The following PLXDC2 variants were observed in gnomAD, a reference collection of about 807,000 sequenced individuals.
The protein encoded by PLXDC2 is plexin domain containing 2, also known as plexin domain-containing protein 2.
A neutral mutation model predicts 68.9 loss-of-function variants in PLXDC2; 40 were observed. That is an observed-to-expected ratio of 0.58 (90% CI 0.45 to 0.76). PLXDC2 has a LOEUF of 0.76. PLXDC2 is among the 30% of genes least tolerant of loss of function. The pLI is 0.00. For missense variants in PLXDC2, 644 were observed against 661.9 expected, an observed-to-expected ratio of 0.97 and a Z score of 0.30; for synonymous variants, 243 against 234.2, an observed-to-expected ratio of 1.04 and a Z score of -0.34.
chr10:19,991,376 T>G (rs868438885), intron 1 of PLXDC2, among the ~76,000 whole-genome samples: 14 of 150,400 alleles, frequency 9.3e-5, no homozygotes, highest in Middle Eastern at 3.5e-3. Context: ...CTTAATGTTC[T>G]ACCATTTTGA....
chr10:19,832,504 C>T (rs1482153944), intron 1 of PLXDC2, among the ~76,000 whole-genome samples: 1 of 152,160 alleles, frequency 6.6e-6, no homozygotes, highest in Non-Finnish European at 1.5e-5. Flanking sequence ...GTGATGTGTG[C>T]TTAAAACATA....
Position 20,151,138 on chromosome 10 carries a change from G to A in PLXDC2, c.783+3236G>A, listed in dbSNP as rs1357663137. 2.0e-5 allele frequency among the ~76,000 whole-genome samples: 3 copies of A among 152,108 alleles called. No individual in the cohort carries two copies. The East Asian group carries it at 5.8e-4, about 29-fold the overall frequency. On this transcript the variant is annotated intron_variant, in intron 6 of 13. Coordinates refer to ENST00000377252, the MANE Select transcript of PLXDC2 (RefSeq NM_032812.9). ...CTTTTTGCTTCCCAATAATTGTTAT[G>A]TATTTTATTTTGCTAAGGCAAATTG...
chr10:20,154,097 C>T (rs906680408), intron 6 of PLXDC2, among the ~76,000 whole-genome samples: 2 of 152,148 alleles, frequency 1.3e-5, no homozygotes. Flanking sequence ...GTTTGGAAAT[C>T]AAACTCTCAT....
intron 4 of PLXDC2, among the ~76,000 whole-genome samples, chr10:20,090,225 T>C (rs1339019732): frequency 6.6e-6 from 1 of 152,226 alleles, no homozygotes; most frequent in Admixed American, 6.5e-5. Context: ...AATGCCCATG[T>C]GTATTTTCAG....
At chr10:20,003,087 T>G (rs1834969580) in intron 2 of PLXDC2, among the ~76,000 whole-genome samples, 4 of 152,146 alleles carry the variant, frequency 2.6e-5, no homozygotes, top group African/African-American at 9.7e-5. Context: ...TAGGCAGATT[T>G]CAGGGTTGCT....
At chr10:20,046,704 G>A (rs889609318) in intron 2 of PLXDC2, among the ~76,000 whole-genome samples, 165 bp from the exon 3 acceptor site, 1 of 151,974 alleles carries the variant, frequency 6.6e-6, no homozygotes, top group Non-Finnish European at 1.5e-5. Flanking sequence ...ATGTGTGTGT[G>A]TGCACATTTA....
At chr10:19,912,881 C>T (rs930334815) in intron 1 of PLXDC2, among the ~76,000 whole-genome samples, 1 of 152,230 alleles carries the variant, frequency 6.6e-6, no homozygotes, top group East Asian at 1.9e-4. Context: ...ACTGGCTATC[C>T]TAACTGTATA....
At chr10:20,196,370 A>T (rs1004641855) in intron 9 of PLXDC2, among the ~76,000 whole-genome samples, 1 of 152,182 alleles carries the variant, frequency 6.6e-6, no homozygotes, top group African/African-American at 2.4e-5. Flanking sequence ...TCTTATTTTC[A>T]GTTAGCACTT....
intron 1 of PLXDC2, among the ~76,000 whole-genome samples, chr10:19,949,619 C>A (rs1460685318): frequency 6.6e-6 from 1 of 152,084 alleles, no homozygotes; most frequent in Non-Finnish European, 1.5e-5. Flanking sequence ...ATATTCATTC[C>A]TTAATATATA....
At chr10:19,966,393 TAAAATATATATGTGCACATATATAA>T (rs1554849275) in intron 1 of PLXDC2, among the ~76,000 whole-genome samples, 1 of 65,826 alleles carries the variant, frequency 1.5e-5, no homozygotes, top group African/African-American at 7.2e-5. Flanking sequence ...TGCACATATA[TAAAATATATATGTGCACATATATAA>T]AAAATATATA....
At chr10:19,956,655 A>G (rs555064844) in intron 1 of PLXDC2, among the ~76,000 whole-genome samples, 9 of 152,364 alleles carry the variant, frequency 5.9e-5, no homozygotes, top group Admixed American at 5.9e-4. Context: ...GGACAAAAGG[A>G]GAGATGGAAT....
At chr10:20,004,528 C>T (rs1834994366) in intron 2 of PLXDC2, among the ~76,000 whole-genome samples, 1 of 151,982 alleles carries the variant, frequency 6.6e-6, no homozygotes, top group East Asian at 1.9e-4. Context: ...AACTAGGACT[C>T]GATGGATATT....
chr10:19,930,115 A>C (rs2131388347), intron 1 of PLXDC2, among the ~76,000 whole-genome samples: 1 of 152,204 alleles, frequency 6.6e-6, no homozygotes. Context: ...ATAAATTTTA[A>C]GTTGCCCAAA....
chr10:20,115,078 C>T (rs1252350878), intron 4 of PLXDC2, among the ~76,000 whole-genome samples: 1 of 152,092 alleles, frequency 6.6e-6, no homozygotes, highest in African/African-American at 2.4e-5. Flanking sequence ...TGGCTAGATT[C>T]TGATGACATT....
At chr10:20,121,576 GGGTC>G (rs1447439334) in intron 4 of PLXDC2, among the ~76,000 whole-genome samples, 3 of 152,206 alleles carry the variant, frequency 2.0e-5, no homozygotes, top group Admixed American at 6.5e-5. Flanking sequence ...ATGGGTGTCA[GGGTC>G]AGTCTAAGTG....
intron 1 of PLXDC2, among the ~76,000 whole-genome samples, chr10:19,984,738 G>T (rs994367436): frequency 2.0e-5 from 3 of 152,192 alleles, no homozygotes; most frequent in African/African-American, 7.2e-5. Context: ...GTTTCTTCAA[G>T]TGTAGTTCTC....
At chr10:20,141,147 T>C (rs1834001924) in intron 4 of PLXDC2, among the ~76,000 whole-genome samples, 1 of 152,198 alleles carries the variant, frequency 6.6e-6, no homozygotes, top group Non-Finnish European at 1.5e-5. Flanking sequence ...TGATAAATTG[T>C]AGATTTGGGA....
chr10:20,145,499 G>A (rs77737056), intron 5 of PLXDC2, among the ~76,000 whole-genome samples: 4,793 of 152,230 alleles, frequency 0.031, 91 homozygotes, highest in South Asian at 0.066. Context: ...TGTTGAGAGA[G>A]CTATGCTATT....
chr10:20,151,722 T>C (rs1055018662), intron 6 of PLXDC2, among the ~76,000 whole-genome samples: 1 of 152,170 alleles, frequency 6.6e-6, no homozygotes, highest in African/African-American at 2.4e-5. Context: ...GTATTCCTAC[T>C]TCATTTGCAG....
Sources: allele counts gnomAD v4.1 joint callset (sites outside exome capture counted in the v4.1 genomes callset), GRCh38; gene constraint gnomAD v4.1.1; transcripts MANE v1.5; gene names NCBI Gene and HGNC (gene_info 2026-07-23, HGNC 2026-07-21).